Variants in CACNA1D observed in about 807,000 individuals in gnomAD.
The protein encoded by CACNA1D is calcium voltage-gated channel subunit alpha1 D.
A neutral mutation model predicts 257.1 loss-of-function variants in CACNA1D; 55 were observed. The observed-to-expected ratio is 0.21, with a 90% confidence interval of 0.17 to 0.27. CACNA1D has a LOEUF of 0.27. Ranked by LOEUF, CACNA1D falls within the 10% of genes least tolerant of loss-of-function variation. The pLI is 1.00. For missense variants in CACNA1D, 1,876 were observed against 2,784.0 expected (o/e 0.67, Z 7.34); for synonymous variants, 980 against 1,014.9 (o/e 0.97, Z 0.65).
chr3:53,537,656 CT>C (rs1194559983), intron 3 of CACNA1D, among the ~76,000 whole-genome samples: 1 of 152,188 alleles, frequency 6.6e-6, no homozygotes, highest in African/African-American at 2.4e-5. Context: ...ATTTTACTCT[CT>C]TTGAATTAGG....
chr3:53,504,465 G>C (rs1208225742), intron 3 of CACNA1D, among the ~76,000 whole-genome samples: 1 of 152,236 alleles, frequency 6.6e-6, no homozygotes, highest in African/African-American at 2.4e-5. Context: ...GACTACCTTG[G>C]GGGGCAGAAG....
At chr3:53,564,158 T>C (rs1559847246) in intron 3 of CACNA1D, among the ~76,000 whole-genome samples, 1 of 152,200 alleles carries the variant, frequency 6.6e-6, no homozygotes, top group Non-Finnish European at 1.5e-5. Flanking sequence ...TGTCCATTTT[T>C]CTACTGGTTT....
chr3:53,495,681 G>A lies in CACNA1D; in HGVS notation c.67+448G>A, dbSNP rs1344665698. Among the ~76,000 whole-genome samples the A allele has an allele frequency of 3.3e-5, 5 of 152,362 alleles. No homozygotes were observed. The South Asian group carries it at 1.0e-3, about 32-fold the overall frequency. On this transcript the variant is annotated intron_variant, in intron 1 of 47. Transcript: ENST00000350061. The surrounding 1 kb of genome is among the most constrained non-coding windows in gnomAD (Gnocchi z 5.1). ...CCTGGTGGCATCCGGAAAATTCTAG[G>A]ATTGCCCGGTTTCGCCCTCCGCGCC...
At chr3:53,691,702 CATATATA>C (rs2094521582) in intron 8 of CACNA1D, among the ~76,000 whole-genome samples, 2 of 46,550 alleles carry the variant, frequency 4.3e-5, no homozygotes, top group South Asian at 9.3e-4. Context: ...ATATATATTA[CATATATA>C]ATATATATAT....
chr3:53,722,563 G>A (rs1208144760), intron 12 of CACNA1D, 89 bp downstream of exon 12: 3 of 1,300,310 alleles, frequency 2.3e-6, no homozygotes, highest in East Asian at 4.6e-5. Flanking sequence ...ATCGCTGCAT[G>A]ATGAAGTATC....
chr3:53,642,526 C>G (rs998044518), intron 3 of CACNA1D, among the ~76,000 whole-genome samples: 23 of 152,196 alleles, frequency 1.5e-4, no homozygotes, highest in African/African-American at 5.3e-4. Flanking sequence ...GCAAGGCCAT[C>G]ATTACTGCCC....
intron 17 of CACNA1D, among the ~76,000 whole-genome samples, chr3:53,731,691 C>T (rs919612550): frequency 2.6e-5 from 4 of 152,218 alleles, no homozygotes; most frequent in Admixed American, 6.5e-5. Flanking sequence ...TCATGGGGCT[C>T]ACAGTCTGGC....
At chr3:53,548,804 C>T (rs559224579) in intron 3 of CACNA1D, among the ~76,000 whole-genome samples, 21 of 152,276 alleles carry the variant, frequency 1.4e-4, no homozygotes, top group African/African-American at 3.8e-4. Flanking sequence ...TCCCATTTAA[C>T]GTCCACACAG....
chr3:53,541,822 A>G (rs376672555), intron 3 of CACNA1D, among the ~76,000 whole-genome samples: 15 of 152,262 alleles, frequency 9.9e-5, no homozygotes, highest in East Asian at 9.7e-4. Flanking sequence ...GTGTATTTGT[A>G]TAACGGTCTT....
chr3:53,626,150 G>T lies in CACNA1D; in HGVS notation c.484-24629G>T, dbSNP rs117218962. Among the ~76,000 whole-genome samples the T allele has an allele frequency of 3.2e-4, 48 of 152,328 alleles. No individual in the cohort carries two copies. The East Asian group carries it at 8.1e-3, about 26-fold the overall frequency. On this transcript the variant is annotated intron_variant, in intron 3 of 47. Transcript: ENST00000350061. ...ATTAAAAGGGGGACCCCTCAGAGGT[G>T]ATTCCGATTCTGGACTCCCACTGGT...
At chr3:53,514,877 G>C (rs2091271028) in intron 3 of CACNA1D, among the ~76,000 whole-genome samples, 1 of 152,192 alleles carries the variant, frequency 6.6e-6, no homozygotes, top group Non-Finnish European at 1.5e-5. Context: ...GTTCTTACCA[G>C]ACTGAGCTAG....
chr3:53,681,665 G>GT (rs1283670196), intron 8 of CACNA1D, among the ~76,000 whole-genome samples: 2 of 152,276 alleles, frequency 1.3e-5, no homozygotes, highest in East Asian at 3.9e-4. Context: ...GAATGAAATG[G>GT]TTTCTTTCTT....
chr3:53,704,940 G>A (rs139115531), intron 9 of CACNA1D, among the ~76,000 whole-genome samples: 1 of 152,290 alleles, frequency 6.6e-6, no homozygotes, highest in African/African-American at 2.4e-5. Flanking sequence ...TGTTTATAGG[G>A]CCTATGATTT....
intron 42 of CACNA1D, among the ~76,000 whole-genome samples, chr3:53,801,703 A>G (rs2095537068): frequency 6.6e-6 from 1 of 152,156 alleles, no homozygotes; most frequent in African/African-American, 2.4e-5. Context: ...CCACCTCTCA[A>G]TTGTGCTCAC....
intron 4 of CACNA1D, among the ~76,000 whole-genome samples, chr3:53,651,888 C>G (rs548350850): frequency 5.4e-4 from 82 of 152,202 alleles, no homozygotes; most frequent in African/African-American, 1.9e-3. Context: ...TCATTGGAGA[C>G]TAATTCTGCT....
chr3:53,495,103 C>A lies in CACNA1D; in HGVS notation c.-64C>A. Reference sequence around the variant, plus strand: ...CTCTTGGTGATCCCCTTCCCCATTCCGCCCCCGCCTCAACGCCCAGCACAG... The same window carrying A: ...CTCTTGGTGATCCCCTTCCCCATTCAGCCCCCGCCTCAACGCCCAGCACAG... On this transcript the variant is annotated 5_prime_UTR_variant, in exon 1 of 48. Coordinates refer to ENST00000350061, the MANE Select transcript of CACNA1D (RefSeq NM_001128840.3). The surrounding 1 kb of genome is among the most constrained non-coding windows in gnomAD (Gnocchi z 5.1). The A allele has an allele frequency of 7.5e-7, 1 of 1,324,796 alleles. No individual in the cohort carries two copies. Among genetic ancestry groups the A allele is most frequent in the Non-Finnish European group, 1.1e-6 (1 of 932,970 alleles). The allele number at this position is 1,324,796 out of a possible 1,614,324, so 82.1% of individuals were successfully genotyped here.
chr3:53,730,691 C>A, intron 16 of CACNA1D, 135 bp downstream of exon 16: 1 of 730,384 alleles, frequency 1.4e-6, no homozygotes, highest in Non-Finnish European at 2.5e-6. Context: ...TCATGGTTGA[C>A]CATGCACTGC....
chr3:53,706,189 C>T (rs2094687295), intron 9 of CACNA1D, among the ~76,000 whole-genome samples: 3 of 152,220 alleles, frequency 2.0e-5, no homozygotes, highest in Non-Finnish European at 4.4e-5. Context: ...CCCTTTTCAG[C>T]TGGGTCCTGG....
chr3:53,571,766 A>G (rs951048792), intron 3 of CACNA1D, among the ~76,000 whole-genome samples: 1 of 152,150 alleles, frequency 6.6e-6, no homozygotes, highest in Non-Finnish European at 1.5e-5. Context: ...TCTGCATAAG[A>G]CAATGAGTTT....
Sources: gnomAD v4.1 joint callset for allele counts (sites outside exome capture counted in the v4.1 genomes callset) on GRCh38, gnomAD v4.1.1 for gene constraint, Gnocchi (gnomAD v3.1) non-coding constraint, MANE v1.5 for transcripts, NCBI Gene and HGNC (gene_info 2026-07-23, HGNC 2026-07-21) for gene names.